The following MYO1H variants were observed in gnomAD, a reference collection of about 807,000 sequenced individuals.
MYO1H encodes the protein myosin IH.
MYO1H carries 118 observed loss-of-function variants against 149.3 expected under a neutral mutation model. That is an observed-to-expected ratio of 0.79 (90% CI 0.68 to 0.92). The LOEUF (loss-of-function observed/expected upper bound fraction) is 0.92, where lower values mean the gene tolerates loss of function less well. MYO1H is among the 40% of genes least tolerant of loss of function. MYO1H has a pLI of 0.00. For synonymous variants in MYO1H, 447 were observed against 465.2 expected (o/e 0.96, Z 0.50); for missense variants, 1,212 against 1,280.7 (o/e 0.95, Z 0.82).
exon 4 of MYO1H, chr12:109,396,544 G>C: frequency 6.2e-7 from 1 of 1,613,754 alleles, no homozygotes; most frequent in Non-Finnish European, 8.5e-7. Flanking sequence ...ACTACAAATA[G>C]CCCGTGACAG....
At chr12:109,314,659 G>A in the MYO1H span, among the ~76,000 whole-genome samples, 1 of 152,174 alleles carries the variant, frequency 6.6e-6, no homozygotes, top group East Asian at 1.9e-4. Context: ...CTCTCAAAAA[G>A]GAATACCACC....
At chr12:109,443,262 G>GTATATGTGTGTGTATATGTGTACT (rs1872302677) in intron 27 of MYO1H, among the ~76,000 whole-genome samples, 1 of 69,306 alleles carries the variant, frequency 1.4e-5, no homozygotes, top group Admixed American at 1.3e-4. Flanking sequence ...ATATGTGTAC[G>GTATATGTGTGTGTATATGTGTACT]TATATGTGTG....
intron 1 of MYO1H, among the ~76,000 whole-genome samples, chr12:109,383,847 A>T (rs1376625667): frequency 6.6e-6 from 1 of 152,130 alleles, no homozygotes; most frequent in Non-Finnish European, 1.5e-5. Flanking sequence ...CCGACTCCAC[A>T]TACTGGGTCA....
chr12:109,440,817 G>A (rs375696763), exon 25 of MYO1H: 11 of 1,560,234 alleles, frequency 7.1e-6, no homozygotes, highest in Middle Eastern at 1.7e-4. Flanking sequence ...ACAGCTGAGC[G>A]GAAAGCAATG....
At chr12:109,379,070 T>C (rs1867430396) in intron 1 of MYO1H, among the ~76,000 whole-genome samples, 1 of 152,216 alleles carries the variant, frequency 6.6e-6, no homozygotes, top group Non-Finnish European at 1.5e-5. Flanking sequence ...TGGTCACCTA[T>C]GGCTATGTAA....
At chr12:109,447,441 T>G (rs1872531690) in exon 32 of MYO1H, 2 of 584,050 alleles carry the variant, frequency 3.4e-6, no homozygotes, top group Non-Finnish European at 6.1e-6. Context: ...CTAAACACCC[T>G]CGACAGGATC....
intron 4 of MYO1H, among the ~76,000 whole-genome samples, chr12:109,397,350 G>T (rs898798049): frequency 1.3e-5 from 2 of 152,072 alleles, no homozygotes; most frequent in African/African-American, 4.8e-5. Flanking sequence ...GTTTATAGTT[G>T]AAGGAATTTT....
At chr12:109,318,967 G>GTTTTTTTTTTTTTTT in the MYO1H span, among the ~76,000 whole-genome samples, 64 of 79,592 alleles carry the variant, frequency 8.0e-4, no homozygotes, top group African/African-American at 1.5e-3. Flanking sequence ...TGCGTTTTTG[G>GTTTTTTTTTTTTTTT]TTTTGTTTTT....
chr12:109,406,732 T>C (rs537225146), intron 8 of MYO1H, 57 bp from the exon 9 acceptor site: 1 of 1,540,366 alleles, frequency 6.5e-7, no homozygotes, highest in East Asian at 2.2e-5. Context: ...AAAAAAATAA[T>C]AAAAAGCAAG....
At chr12:109,343,841 C>T (rs2048094284), upstream of MYO1H, among the ~76,000 whole-genome samples, 1 of 152,196 alleles carries the variant, frequency 6.6e-6, no homozygotes, top group South Asian at 2.1e-4. Flanking sequence ...CTAGCTGACT[C>T]GCTGGGGACT....
At chr12:109,388,652 G>A (rs77616778) in intron 1 of MYO1H, 31 bp from the exon 2 acceptor site, 301 of 1,509,438 alleles carry the variant, frequency 2.0e-4, no homozygotes, top group Middle Eastern at 8.9e-4. Context: ...CCAAATAGAT[G>A]AGCTGCTGAA....
intron 1 of MYO1H, among the ~76,000 whole-genome samples, chr12:109,351,026 G>A (rs1204550897): frequency 6.6e-6 from 1 of 152,124 alleles, no homozygotes; most frequent in Non-Finnish European, 1.5e-5. Flanking sequence ...AGTGTCATAA[G>A]TGCTAATTAA....
intron 1 of MYO1H, among the ~76,000 whole-genome samples, chr12:109,378,300 T>C (rs1869127267): frequency 7.5e-6 from 1 of 133,988 alleles, no homozygotes; most frequent in East Asian, 2.4e-4. Context: ...CATTTTCTTT[T>C]TCTTTTTTTT....
chr12:109,394,219 C>CTTCTT (rs1869796544), intron 3 of MYO1H, among the ~76,000 whole-genome samples: 1 of 152,186 alleles, frequency 6.6e-6, no homozygotes, highest in South Asian at 2.1e-4. Flanking sequence ...CTCTTGTCTC[C>CTTCTT]AAACACCATG....
intron 14 of MYO1H, among the ~76,000 whole-genome samples, chr12:109,412,457 C>T (rs1248323000): frequency 2.0e-5 from 3 of 152,204 alleles, no homozygotes; most frequent in Non-Finnish European, 2.9e-5. Context: ...CGTGCCCAGA[C>T]ACAAGTATGA....
intron 24 of MYO1H, 111 bp from the exon 25 acceptor site, chr12:109,440,633 C>A: frequency 1.3e-6 from 1 of 778,606 alleles, no homozygotes; most frequent in Non-Finnish European, 2.2e-6. Context: ...TAACACTGTG[C>A]TTGAAATCAA....
chr12:109,444,724 G>A (rs1490794903), intron 30 of MYO1H, among the ~76,000 whole-genome samples, 195 bp downstream of exon 30: 3 of 152,038 alleles, frequency 2.0e-5, no homozygotes, highest in Admixed American at 6.6e-5. Flanking sequence ...AAGATTAGCC[G>A]GGTTTGGTGG....
intron 3 of MYO1H, 71 bp from the exon 4 acceptor site, chr12:109,396,313 T>G: frequency 1.5e-6 from 2 of 1,325,746 alleles, no homozygotes; most frequent in Non-Finnish European, 2.1e-6. Context: ...TCATTTTTCT[T>G]CTTTGGTGGG....
chr12:109,346,098 C>T (rs2048101745), upstream of MYO1H, among the ~76,000 whole-genome samples: 1 of 152,108 alleles, frequency 6.6e-6, no homozygotes, highest in African/African-American at 2.4e-5. Context: ...TTCAACCAAC[C>T]TTGGATCAAA....
Sources: allele counts gnomAD v4.1 joint callset (sites outside exome capture counted in the v4.1 genomes callset), GRCh38; gene constraint gnomAD v4.1.1; transcripts MANE v1.5; gene names NCBI Gene and HGNC (gene_info 2026-07-23, HGNC 2026-07-21).